Variants in CTNNA2 observed in about 807,000 individuals in gnomAD.
CTNNA2 encodes catenin alpha 2, also known as catenin alpha-2.
In CTNNA2, 42 loss-of-function variants were observed where a neutral mutation model predicts 101.0. That is an observed-to-expected ratio of 0.42 (90% confidence interval 0.32 to 0.54). The LOEUF (loss-of-function observed/expected upper bound fraction) is 0.54. Ranked by LOEUF, CTNNA2 falls within the 20% of genes least tolerant of loss-of-function variation. The pLI is 0.14. For synonymous variants in CTNNA2, 450 were observed against 456.4 expected (o/e 0.99, Z 0.18); for missense variants, 871 against 1,223.1 (o/e 0.71, Z 4.29).
chr2:80,334,348 C>T (rs924549732), intron 7 of CTNNA2, among the ~76,000 whole-genome samples: 7 of 152,128 alleles, frequency 4.6e-5, no homozygotes, highest in Admixed American at 3.9e-4. Context: ...CTCTTGAGAC[C>T]TTGAACAATC....
chr2:80,458,790 C>A (rs1170711235), intron 9 of CTNNA2, among the ~76,000 whole-genome samples: 2 of 152,104 alleles, frequency 1.3e-5, no homozygotes, highest in African/African-American at 4.8e-5. Context: ...ATATTATTAA[C>A]TTATAGAGAC....
At chr2:80,456,247 T>G (rs960554441) in intron 9 of CTNNA2, among the ~76,000 whole-genome samples, 1 of 152,196 alleles carries the variant, frequency 6.6e-6, no homozygotes, top group African/African-American at 2.4e-5. Flanking sequence ...TAATAAAAAG[T>G]TACTTGCTTT....
chr2:80,280,036 T>C (rs915546938), intron 7 of CTNNA2, among the ~76,000 whole-genome samples: 1 of 151,808 alleles, frequency 6.6e-6, no homozygotes, highest in Admixed American at 6.6e-5. Context: ...GACATAAAGC[T>C]CAATACATGC....
rs566122553 is a variant in CTNNA2, at chr2:79,983,800, A to G, written c.1056+74003A>G. Among the ~76,000 whole-genome samples, 5 of 152,326 alleles carry G rather than the reference A, an allele frequency of 3.3e-5. No homozygotes were observed. The South Asian group carries it at 1.0e-3, about 32-fold the overall frequency. On this transcript the variant is annotated intron_variant, in intron 7 of 18. Coordinates refer to ENST00000402739, the MANE Select transcript of CTNNA2 (RefSeq NM_001282597.3). ...GCTTAATTACTAGTACTGCAAAGCC[A>G]TTGCTTCTTACTGTTTTTATGTCAT...
At chr2:80,335,151 G>A (rs935276778) in intron 7 of CTNNA2, among the ~76,000 whole-genome samples, 2 of 152,204 alleles carry the variant, frequency 1.3e-5, no homozygotes, top group African/African-American at 4.8e-5. Flanking sequence ...TGTAGACAGG[G>A]AGAAAACTTT....
At chr2:79,411,884 C>T (rs1022001790) in intron 4 of CTNNA2, among the ~76,000 whole-genome samples, 8 of 152,100 alleles carry the variant, frequency 5.3e-5, no homozygotes, top group African/African-American at 1.7e-4. Flanking sequence ...GAATCAAATT[C>T]ACACATAACA....
At chr2:80,523,788 A>G (rs553972595) in intron 9 of CTNNA2, among the ~76,000 whole-genome samples, 1 of 152,300 alleles carries the variant, frequency 6.6e-6, no homozygotes, top group South Asian at 2.1e-4. Flanking sequence ...GGGGAAGGCA[A>G]GTCTTCACAG....
intron 4 of CTNNA2, among the ~76,000 whole-genome samples, chr2:79,425,387 C>G (rs1053617245): frequency 6.6e-6 from 1 of 152,076 alleles, no homozygotes; most frequent in African/African-American, 2.4e-5. Flanking sequence ...AAGAAAATAC[C>G]TCAGACTGGA....
rs961081915 is a variant in CTNNA2 at position 80,552,513 on chromosome 2, A to G, written c.1541-3180A>G. Reference sequence around the variant, plus strand: ...GTGACTCATTTTTTCATAAAAAGGGACCTGAATTGGAGAAGGTTGAAAAAC... The same window carrying G: ...GTGACTCATTTTTTCATAAAAAGGGGCCTGAATTGGAGAAGGTTGAAAAAC... On this transcript the variant is annotated intron_variant, in intron 11 of 18. Coordinates refer to ENST00000402739, the MANE Select transcript of CTNNA2 (RefSeq NM_001282597.3). Among the ~76,000 whole-genome samples, 8 of 152,192 alleles carry G rather than the reference A, an allele frequency of 5.3e-5. No homozygotes were observed. In the South Asian group the frequency reaches 1.7e-3, roughly 31 times the overall value.
chr2:79,998,435 A>G (rs900567085), intron 7 of CTNNA2, among the ~76,000 whole-genome samples: 1 of 152,184 alleles, frequency 6.6e-6, no homozygotes, highest in African/African-American at 2.4e-5. Context: ...TGTTTCATGC[A>G]TCTTTCTGTT....
chr2:80,469,420 T>C (rs1685113029), intron 9 of CTNNA2, among the ~76,000 whole-genome samples: 1 of 152,230 alleles, frequency 6.6e-6, no homozygotes, highest in South Asian at 2.1e-4. Flanking sequence ...AGACAGACTT[T>C]TCCAGCTGGG....
At chr2:80,194,795 C>G (rs984728373) in intron 7 of CTNNA2, among the ~76,000 whole-genome samples, 1 of 150,172 alleles carries the variant, frequency 6.7e-6, no homozygotes, top group African/African-American at 2.4e-5. Context: ...ATGAATCATG[C>G]TATATACATC....
Position 79,710,269 on chromosome 2 carries a change from G to A in CTNNA2, c.103-34118G>A, listed in dbSNP as rs563459129. Among the ~76,000 whole-genome samples the A allele has an allele frequency of 4.6e-5, 7 of 151,814 alleles. 1 individual carries two copies. Among genetic ancestry groups the A allele is most frequent in the East Asian group, 3.9e-4 (2 of 5,182 alleles). ...ATGAAGATGAAAAGTACATCCTTCC[G>A]TAATGTTGCTATTGCTTTTATCCAC... On this transcript the variant is annotated intron_variant, in intron 2 of 18. Transcript: ENST00000402739.
intron 2 of CTNNA2, among the ~76,000 whole-genome samples, chr2:79,258,202 T>C (rs771808879): frequency 8.5e-5 from 13 of 152,140 alleles, no homozygotes; most frequent in Non-Finnish European, 1.8e-4. Context: ...ATTCAACCCA[T>C]ACAAATGCCA....
At chr2:80,591,170 G>A (rs1053685023) in intron 15 of CTNNA2, among the ~76,000 whole-genome samples, 1 of 152,156 alleles carries the variant, frequency 6.6e-6, no homozygotes, top group Non-Finnish European at 1.5e-5. Context: ...GTTACATGGT[G>A]TTAAATAAGA....
At chr2:79,895,174 ATT>A (rs1261504334) in intron 6 of CTNNA2, among the ~76,000 whole-genome samples, 2 of 152,216 alleles carry the variant, frequency 1.3e-5, no homozygotes, top group Non-Finnish European at 2.9e-5. Flanking sequence ...AGAACATGAC[ATT>A]CTCATTAAGC....
chr2:79,287,217 G>A (rs1049834899), intron 2 of CTNNA2, among the ~76,000 whole-genome samples: 12 of 152,232 alleles, frequency 7.9e-5, no homozygotes, highest in East Asian at 5.8e-4. Context: ...CCCGTAGCTC[G>A]GAGTAATTTG....
At chr2:79,347,412 T>C (rs1677285779) in intron 3 of CTNNA2, among the ~76,000 whole-genome samples, 1 of 152,216 alleles carries the variant, frequency 6.6e-6, no homozygotes. Flanking sequence ...ATAATAATAG[T>C]ACTTTACTTA....
chr2:79,659,569 A>G (rs1681869316), intron 2 of CTNNA2, among the ~76,000 whole-genome samples: 1 of 152,198 alleles, frequency 6.6e-6, no homozygotes, highest in Admixed American at 6.5e-5. Flanking sequence ...ATTCATGTAT[A>G]GTGTGATTAA....
Sources: allele counts gnomAD v4.1 joint callset (sites outside exome capture counted in the v4.1 genomes callset), GRCh38; gene constraint gnomAD v4.1.1; transcripts MANE v1.5; gene names NCBI Gene and HGNC (gene_info 2026-07-23, HGNC 2026-07-21).